Variants in CBL observed in about 807,000 individuals in gnomAD.
CBL encodes the protein Cbl proto-oncogene.
Under a neutral mutation model 96.9 loss-of-function variants are expected in CBL, and 45 were observed. The ratio of observed to expected loss-of-function variants is 0.46; its 90% CI spans 0.37 to 0.60. The LOEUF is 0.60. Among genes scored for constraint, CBL ranks in the 20% least tolerant of loss-of-function variants. The pLI, the probability that CBL is intolerant of heterozygous loss-of-function variation, is 0.00. For missense variants in CBL, 1,024 were observed against 1,143.5 expected (o/e 0.90, Z 1.51); for synonymous variants, 420 against 426.8 (o/e 0.98, Z 0.20).
chr11:119,284,858 C>G (rs1949967799), intron 9 of CBL, 111 bp from the exon 10 acceptor site: 1 of 1,324,940 alleles, frequency 7.5e-7, no homozygotes, highest in Admixed American at 1.7e-5. Flanking sequence ...AGGTCTGGCC[C>G]ATTTGTAGTT....
chr11:119,281,019 C>T (rs1208248571), intron 9 of CBL, among the ~76,000 whole-genome samples: 1 of 152,206 alleles, frequency 6.6e-6, no homozygotes, highest in Non-Finnish European at 1.5e-5. Flanking sequence ...ACTACCAAAT[C>T]ATATCATACT....
chr11:119,212,313 A>AT (rs1330857793), intron 1 of CBL, among the ~76,000 whole-genome samples: 1 of 152,078 alleles, frequency 6.6e-6, no homozygotes. Context: ...AAAAAATTAC[A>AT]TTTTTTTGAA....
At chr11:119,206,998 A>T (rs1949275073) in intron 1 of CBL, among the ~76,000 whole-genome samples, 1 of 151,152 alleles carries the variant, frequency 6.6e-6, no homozygotes, top group South Asian at 2.1e-4. Context: ...GTTAGCAGGG[A>T]GGGGGTGAGG....
chr11:119,258,669 G>T (rs566053911), intron 2 of CBL, among the ~76,000 whole-genome samples: 5 of 152,228 alleles, frequency 3.3e-5, no homozygotes, highest in African/African-American at 9.6e-5. Flanking sequence ...TACTGTTTTG[G>T]TTACTATAGC....
In CBL at chr11:119,287,798, G is replaced by A. The variant is rs138607572; in HGVS notation, c.1942-54G>A. On this transcript the variant is annotated intron_variant, in intron 11 of 15. Transcript: ENST00000264033. ...ATTTTGAAAAGGTTCAATAAGAGCA[G>A]AGGCTCAGCTGTGGTAAGAAAGTTG... The A allele has an allele frequency of 7.9e-5, 87 of 1,098,210 alleles. 1 individual carries two copies. The highest frequency in any genetic ancestry group is 4.5e-4 in the African/African-American group (29 of 65,012). 68.0% of individuals were successfully genotyped at this position (1,098,210 alleles called of 1,614,324 possible). A position where few individuals can be genotyped will look rare whatever the true frequency, so the allele number is the denominator to read the frequency against.
rs770667508 is a variant in CBL, at chr11:119,297,007, G to T, written c.2126G>T (p.Arg709Leu). 6.2e-7 allele frequency: 1 copy of T among 1,600,368 alleles called. No individual in the cohort carries two copies. Among genetic ancestry groups the T allele is most frequent in the Non-Finnish European group, 8.6e-7 (1 of 1,167,580 alleles). ...EYMTPSSRPL[R>L]PLDTSQSSRA... is the part of the protein sequence containing the mutation. ...ATGACTCCCTCTTCCAGGCCTCTAC[G>T]GCCTTTGGATACATCCCAGAGTTCA... The change falls in exon 13 of 16, where the codon CGG (arginine) becomes CTG (leucine). Residue 709 changes from arginine to leucine, a missense_variant. Arg to Leu is a moderately radical substitution (Grantham distance 102). Transcript: ENST00000264033.
At chr11:119,209,010 C>T (rs1424303392) in intron 1 of CBL, among the ~76,000 whole-genome samples, 1 of 152,046 alleles carries the variant, frequency 6.6e-6, no homozygotes, top group African/African-American at 2.4e-5. Flanking sequence ...TTACTTGCCT[C>T]GGAAGTTGAT....
chr11:119,242,755 A>AT (rs1250656992), intron 2 of CBL, among the ~76,000 whole-genome samples: 1 of 151,296 alleles, frequency 6.6e-6, no homozygotes, highest in East Asian at 1.9e-4. Flanking sequence ...AAAAAAAAAA[A>AT]AAAAAAGAAA....
chr11:119,297,515 G>C (rs374259739), intron 14 of CBL, 34 bp downstream of exon 14: 5 of 1,414,658 alleles, frequency 3.5e-6, no homozygotes, highest in Non-Finnish European at 5.0e-6. Context: ...AAAAATCATT[G>C]ATATGTCATA....
chr11:119,288,481 A>G (rs763234856), intron 12 of CBL, among the ~76,000 whole-genome samples: 59 of 80,230 alleles, frequency 7.4e-4, no homozygotes, highest in Middle Eastern at 0.013. Flanking sequence ...ACAGACAGAG[A>G]GAGAGAGAGA....
intron 1 of CBL, among the ~76,000 whole-genome samples, chr11:119,231,919 G>A (rs540636738): frequency 6.6e-6 from 1 of 151,180 alleles, no homozygotes; most frequent in Non-Finnish European, 1.5e-5. Context: ...GTCTAGCCTG[G>A]GCAACATGTC....
chr11:119,292,462 C>A (rs1950034355), intron 12 of CBL, among the ~76,000 whole-genome samples: 1 of 151,520 alleles, frequency 6.6e-6, no homozygotes, highest in African/African-American at 2.4e-5. Flanking sequence ...GCTCTGTCAC[C>A]CAGGCTGGAG....
chr11:119,277,964 G>A (rs951817086), intron 7 of CBL, 120 bp downstream of exon 7: 5 of 880,748 alleles, frequency 5.7e-6, no homozygotes, highest in African/African-American at 1.7e-5. Flanking sequence ...GAATTTGTGT[G>A]TATGTGGTTT....
Position 119,278,769 on chromosome 11 carries a change from C to T in CBL, c.1431+56C>T, listed in dbSNP as rs1039583587. On this transcript the variant is annotated intron_variant, in intron 9 of 15. Transcript: ENST00000264033. The stretch of plus-strand genomic sequence containing the variant: ...TCCATTGTGAGTTGTCTTCTAAAGC[C>T]GTAAAACACTTAACGATATCCAAAC... The T allele has an allele frequency of 1.1e-4, 154 of 1,345,844 alleles. No individual in the cohort carries two copies. The East Asian group carries it at 3.3e-3, about 29-fold the overall frequency. The allele number at this position is 1,345,844 out of a possible 1,614,324, so 83.4% of individuals were successfully genotyped here.
At chr11:119,207,171 A>G (rs1196913077) in intron 1 of CBL, among the ~76,000 whole-genome samples, 1 of 152,158 alleles carries the variant, frequency 6.6e-6, no homozygotes, top group Non-Finnish European at 1.5e-5. Flanking sequence ...TAACACGAAG[A>G]TAAAAGACAT....
chr11:119,300,204 G>C lies in CBL; in HGVS notation c.*423G>C. On this transcript the variant is annotated 3_prime_UTR_variant, in exon 16 of 16. Coordinates refer to ENST00000264033, the MANE Select transcript of CBL (RefSeq NM_005188.4). ...CTTGTGATTATAAGATTAACCTGCT[G>C]TGTGTGTTAATTCCAGGCAGGGAAT... is the stretch of plus-strand genomic sequence containing the variant. 4.2e-6 allele frequency: 2 copies of C among 473,982 alleles called. No individual in the cohort carries two copies. Among genetic ancestry groups the C allele is most frequent in the Non-Finnish European group, 7.4e-6 (2 of 271,144 alleles). The allele number at this position is 473,982 out of a possible 1,614,324, so 29.4% of individuals were successfully genotyped here. A position where few individuals can be genotyped will look rare whatever the true frequency, so the allele number is the denominator to read the frequency against.
intron 2 of CBL, among the ~76,000 whole-genome samples, chr11:119,242,786 T>G (rs1299344479): frequency 7.1e-6 from 1 of 141,172 alleles, no homozygotes; most frequent in East Asian, 2.0e-4. Context: ...AGGCCTAAAA[T>G]AATTGTTTCT....
chr11:119,291,747 T>G (rs1950028189), intron 12 of CBL, among the ~76,000 whole-genome samples: 1 of 152,256 alleles, frequency 6.6e-6, no homozygotes, highest in Admixed American at 6.5e-5. Context: ...ATGATAATGC[T>G]TATTTTCCTA....
At chr11:119,233,548 T>C (rs1178383352) in intron 2 of CBL, among the ~76,000 whole-genome samples, 1 of 152,218 alleles carries the variant, frequency 6.6e-6, no homozygotes, top group African/African-American at 2.4e-5. Context: ...TTTGTGTTAA[T>C]TAAATACCAG....
Sources: gnomAD v4.1 joint callset for allele counts (sites outside exome capture counted in the v4.1 genomes callset) on GRCh38, gnomAD v4.1.1 for gene constraint, MANE v1.5 for transcripts, NCBI Gene and HGNC (gene_info 2026-07-23, HGNC 2026-07-21) for gene names.